FRMD5: variants seen among roughly 807,000 people sequenced by gnomAD.
The protein encoded by FRMD5 is FERM domain-containing protein 5.
Under a neutral mutation model 69.0 loss-of-function variants are expected in FRMD5, and 20 were observed. The observed-to-expected ratio is 0.29, with a 90% CI of 0.20 to 0.42. The LOEUF (loss-of-function observed/expected upper bound fraction) is 0.42, where lower values mean the gene tolerates loss of function less well. Among genes scored for constraint, FRMD5 ranks in the 10% least tolerant of loss-of-function variants. FRMD5 has a pLI of 1.00. For synonymous variants in FRMD5, 271 were observed against 260.1 expected (o/e 1.04, Z -0.40); for missense variants, 595 against 708.6 (o/e 0.84, Z 1.82).
At chr15:44,061,718 G>T (rs115354160) in intron 1 of FRMD5, among the ~76,000 whole-genome samples, 1,909 of 152,242 alleles carry the variant, frequency 0.013, 38 homozygotes, top group African/African-American at 0.044. Flanking sequence ...GGGGTGGGTG[G>T]TTATGAATGT....
At chr15:44,138,964 G>A (rs1413900281) in intron 1 of FRMD5, among the ~76,000 whole-genome samples, 1 of 152,122 alleles carries the variant, frequency 6.6e-6, no homozygotes, top group Non-Finnish European at 1.5e-5. Flanking sequence ...GTGGGGAGTA[G>A]GCCAGCACTG....
rs750602645 is a variant in FRMD5 at position 44,167,648 on chromosome 15, G to A, written c.102+27305C>T. ...TCTGTTGCCCAGGCTGGAGTGCAAT[G>A]GCACAATCTTGGCTCACTGCAACCT... is the stretch of plus-strand genomic sequence containing the variant. On this transcript the variant is annotated intron_variant, in intron 1 of 13. Coordinates refer to ENST00000417257, the MANE Select transcript of FRMD5 (RefSeq NM_032892.5). Among the ~76,000 whole-genome samples, 16 of 151,826 alleles carry A rather than the reference G, an allele frequency of 1.1e-4. No individual in the cohort carries two copies. In the South Asian group the frequency reaches 2.3e-3, roughly 22 times the overall value.
intron 10 of FRMD5, 60 bp from the exon 11 acceptor site, chr15:43,885,815 C>A (rs2140359406): frequency 1.3e-5 from 16 of 1,273,854 alleles, no homozygotes; most frequent in East Asian, 2.3e-5. Flanking sequence ...CAGGTTAAGG[C>A]AGCACATCCC....
chr15:43,873,708 C>T lies in FRMD5; in HGVS notation c.*177G>A, dbSNP rs1176287435. The T allele has an allele frequency of 6.6e-7, 1 of 1,518,294 alleles. No homozygotes were observed. The highest frequency in any genetic ancestry group is 2.2e-5 in the Admixed American group (1 of 45,136). 94.1% of individuals were successfully genotyped at this position (1,518,294 alleles called of 1,614,324 possible). A position where few individuals can be genotyped will look rare whatever the true frequency, so the allele number is the denominator to read the frequency against. On this transcript the variant is annotated 3_prime_UTR_variant, in exon 14 of 14. Coordinates refer to ENST00000417257, the MANE Select transcript of FRMD5 (RefSeq NM_032892.5). ...GTTTTCCCAGTTTGTTTAGACAGGG[C>T]ATGAGCCTATCCCTTTCTTCTTCTG...
intron 1 of FRMD5, among the ~76,000 whole-genome samples, chr15:43,938,924 C>T (rs1595538396): frequency 6.6e-6 from 1 of 152,172 alleles, no homozygotes; most frequent in South Asian, 2.1e-4. Context: ...TGCAGTGGCA[C>T]GATCTTGACT....
chr15:44,092,344 C>T (rs972758760), intron 1 of FRMD5, among the ~76,000 whole-genome samples: 4 of 152,276 alleles, frequency 2.6e-5, no homozygotes, highest in African/African-American at 9.6e-5. Context: ...CCCAGTCTTC[C>T]CCTATAACTC....
intron 1 of FRMD5, among the ~76,000 whole-genome samples, chr15:43,963,745 T>C (rs186950345): frequency 2.0e-4 from 31 of 152,292 alleles, no homozygotes; most frequent in African/African-American, 7.5e-4. Context: ...GATGAGTTCA[T>C]GCACTTTGTA....
At chr15:44,071,756 T>C (rs1267114499) in intron 1 of FRMD5, among the ~76,000 whole-genome samples, 1 of 152,252 alleles carries the variant, frequency 6.6e-6, no homozygotes, top group African/African-American at 2.4e-5. Flanking sequence ...TCTTGTGTTA[T>C]TCATTGCATT....
At chr15:43,892,596 A>G (rs1309109222) in intron 7 of FRMD5, among the ~76,000 whole-genome samples, 1 of 152,218 alleles carries the variant, frequency 6.6e-6, no homozygotes, top group Non-Finnish European at 1.5e-5. Flanking sequence ...TTCCAGTGTA[A>G]AGTTTCCATT....
intron 1 of FRMD5, among the ~76,000 whole-genome samples, chr15:44,069,132 C>G (rs1893426927): frequency 4.6e-5 from 7 of 152,156 alleles, no homozygotes; most frequent in Admixed American, 4.6e-4. Context: ...TGAAATATCA[C>G]TACACACCTA....
chr15:43,923,635 G>T (rs1566838417), intron 2 of FRMD5, among the ~76,000 whole-genome samples: 1 of 152,240 alleles, frequency 6.6e-6, no homozygotes, highest in South Asian at 2.1e-4. Context: ...GGAGAAATAG[G>T]CAGGGGCCTG....
chr15:43,874,824 C>T (rs1456267249), intron 13 of FRMD5, among the ~76,000 whole-genome samples: 1 of 151,894 alleles, frequency 6.6e-6, no homozygotes, highest in African/African-American at 2.4e-5. Context: ...CGCTTGAACC[C>T]GGGAGGCGGA....
chr15:44,140,681 C>A (rs952401184), intron 1 of FRMD5, among the ~76,000 whole-genome samples: 2 of 151,710 alleles, frequency 1.3e-5, no homozygotes, highest in African/African-American at 4.8e-5. Flanking sequence ...GAGTTGGAGA[C>A]CAGTCTGGGC....
rs575611217 is a variant in FRMD5, at chr15:43,871,901, G to C, written c.*1984C>G. 2.0e-4 allele frequency: 30 copies of C among 152,298 alleles called. No homozygotes were observed. The highest frequency in any genetic ancestry group is 1.6e-3 in the Admixed American group (24 of 15,300). The allele number at this position is 152,298 out of a possible 1,614,324, so 9.4% of individuals were successfully genotyped here. A position where few individuals can be genotyped will look rare whatever the true frequency, so the allele number is the denominator to read the frequency against. On this transcript the variant is annotated 3_prime_UTR_variant, in exon 14 of 14. Transcript: ENST00000417257. ...AAGAGGTCCCAGATCTTTGATACAT[G>C]TCAGGCATGGAAACAGAGCTGACTG...
chr15:43,986,379 T>G (rs1186997235), intron 1 of FRMD5, among the ~76,000 whole-genome samples: 1 of 152,144 alleles, frequency 6.6e-6, no homozygotes, highest in African/African-American at 2.4e-5. Context: ...ATAGAAGAAA[T>G]AGCTAACTGT....
At chr15:44,034,154 T>G (rs938847444) in intron 1 of FRMD5, among the ~76,000 whole-genome samples, 2 of 152,164 alleles carry the variant, frequency 1.3e-5, no homozygotes, top group African/African-American at 4.8e-5. Context: ...GAGAAAGATC[T>G]CAATTTTTGA....
chr15:44,185,540 C>T (rs2078084610), intron 1 of FRMD5, among the ~76,000 whole-genome samples: 1 of 152,080 alleles, frequency 6.6e-6, no homozygotes, highest in Admixed American at 6.5e-5. Flanking sequence ...ACTTGTAATC[C>T]TAGCACTTTG....
chr15:43,884,688 G>T, intron 12 of FRMD5, 39 bp downstream of exon 12: 1 of 1,581,370 alleles, frequency 6.3e-7, no homozygotes, highest in Non-Finnish European at 8.7e-7. Flanking sequence ...TCTGGGATCT[G>T]AGCTACAACT....
intron 1 of FRMD5, among the ~76,000 whole-genome samples, chr15:44,074,602 C>T (rs1349687367): frequency 6.6e-6 from 1 of 152,014 alleles, no homozygotes; most frequent in African/African-American, 2.4e-5. Flanking sequence ...ACCTCACCCC[C>T]CGGGTTCAAG....
Sources: allele counts gnomAD v4.1 joint callset (sites outside exome capture counted in the v4.1 genomes callset), GRCh38; gene constraint gnomAD v4.1.1; transcripts MANE v1.5; gene names NCBI Gene and HGNC (gene_info 2026-07-23, HGNC 2026-07-21).